CDKN2A: variants seen among roughly 807,000 people sequenced by gnomAD.
CDKN2A encodes the protein cyclin dependent kinase inhibitor 2A.
CDKN2A carries 3 observed loss-of-function variants against 11.1 expected under a neutral mutation model. The ratio of observed to expected loss-of-function variants is 0.27; its 90% confidence interval spans 0.12 to 0.70. The LOEUF (loss-of-function observed/expected upper bound fraction) is 0.70. Ranked by LOEUF, CDKN2A falls within the 30% of genes least tolerant of loss-of-function variation. The probability of loss-of-function intolerance (pLI) is 0.77; values close to 1 mark genes in which losing one functional copy is unlikely to be tolerated. For synonymous variants in CDKN2A, 122 were observed against 108.1 expected (o/e 1.13, Z -0.80); for missense variants, 265 against 233.6 (o/e 1.13, Z -0.88).
intron 2 of CDKN2A, among the ~76,000 whole-genome samples, chr9:21,986,591 C>T (rs1820302528): frequency 6.6e-6 from 1 of 151,686 alleles, no homozygotes; most frequent in Admixed American, 6.6e-5. Context: ...GAGCCTCAGT[C>T]TCCAGATCTA....
At position 21,974,657 on chromosome 9, in the gene CDKN2A, C is replaced by T. The variant is rs369946603; in HGVS notation, c.150+21G>A. 36 of 1,614,064 alleles carry T rather than the reference C, an allele frequency of 2.2e-5. No individual in the cohort carries two copies. Among genetic ancestry groups the T allele is most frequent in the Non-Finnish European group, 2.7e-5 (32 of 1,180,050 alleles). On this transcript the variant is annotated intron_variant, in intron 1 of 2. Coordinates refer to ENST00000304494, the MANE Select transcript of CDKN2A (RefSeq NM_000077.5). The surrounding 1 kb of genome is among the most constrained non-coding windows in gnomAD (Gnocchi z 5.2). Reference sequence around the variant, plus strand: ...AGAGTCGCCCGCCATCCCCTGCTCCCGCTGCAGACCCTCTACCCACCTGGA... The same window carrying T: ...AGAGTCGCCCGCCATCCCCTGCTCCTGCTGCAGACCCTCTACCCACCTGGA...
chr9:21,968,147 CG>C lies in CDKN2A; in HGVS notation c.*81del. On this transcript the variant is annotated 3_prime_UTR_variant, in exon 3 of 3. Transcript: ENST00000304494. The surrounding 1 kb of genome is among the most constrained non-coding windows in gnomAD (Gnocchi z 4.7). ...ACTACGAAAGCGGGGTGGGTTGTGG[CG>C]GGGGCAGTTGTGGCCCTGTAGGACC... is the stretch of plus-strand genomic sequence containing the variant. The C allele has an allele frequency of 8.7e-7, 1 of 1,144,294 alleles. No homozygotes were observed. Among genetic ancestry groups the C allele is most frequent in the Non-Finnish European group, 1.3e-6 (1 of 774,950 alleles). 70.9% of individuals were successfully genotyped at this position (1,144,294 alleles called of 1,614,324 possible).
At position 21,970,892 on chromosome 9, in the gene CDKN2A, C is replaced by G. The variant is rs1230430074; in HGVS notation, c.457+10G>C. On this transcript the variant is annotated intron_variant, in intron 2 of 2. Coordinates refer to ENST00000304494, the MANE Select transcript of CDKN2A (RefSeq NM_000077.5). ...CTCAGGGTACAAATTCTCAGATCAT[C>G]AGTCCTCACCTGAGGGACCTTCCGC... is the stretch of plus-strand genomic sequence containing the variant. 6.2e-7 allele frequency: 1 copy of G among 1,610,744 alleles called. No homozygotes were observed. Among genetic ancestry groups the G allele is most frequent in the East Asian group, 2.2e-5 (1 of 44,886 alleles).
chr9:21,984,275 C>A (rs955091258), intron 2 of CDKN2A, among the ~76,000 whole-genome samples: 6 of 151,870 alleles, frequency 4.0e-5, no homozygotes, highest in African/African-American at 1.4e-4. Context: ...CATGTTATGA[C>A]AGAAGAATTT....
rs776417500 is a variant in CDKN2A, at chr9:21,968,289, G to A, written c.458-47C>T. The A allele has an allele frequency of 6.2e-7, 1 of 1,607,420 alleles. No homozygotes were observed. The highest frequency in any genetic ancestry group is 1.1e-5 in the South Asian group (1 of 90,936). On this transcript the variant is annotated intron_variant, in intron 2 of 2. Coordinates refer to ENST00000304494, the MANE Select transcript of CDKN2A (RefSeq NM_000077.5). This position sits in a 1 kb window ranked among gnomAD's most constrained non-coding sequence, Gnocchi z 4.7. Reference sequence around the variant, plus strand: ...CAGGCGTTAGAAACCTGAGGTCAAAGATGTGTGGCACATCCCGCCCTCCTC... The same window carrying A: ...CAGGCGTTAGAAACCTGAGGTCAAAAATGTGTGGCACATCCCGCCCTCCTC...
At position 21,974,784 on chromosome 9, in the gene CDKN2A, C is replaced by A; in HGVS notation, c.44G>T (p.Trp15Leu). 1 of 1,607,986 alleles carries A rather than the reference C, an allele frequency of 6.2e-7. No individual in the cohort carries two copies. The highest frequency in any genetic ancestry group is 8.5e-7 in the Non-Finnish European group (1 of 1,179,284). Residue 15 changes from tryptophan (W) to leucine (L), a missense_variant, in exon 1 of 3, where the codon TGG (tryptophan) becomes TTG (leucine). Transcript: ENST00000304494. This position sits in a 1 kb window ranked among gnomAD's most constrained non-coding sequence, Gnocchi z 5.2. ...ACCCCGGGCCGCGGCCGTGGCCAGCCAGTCAGCCGAAGGCTCCATGCTGCT... is the reference window on the plus strand; with the variant it reads ...ACCCCGGGCCGCGGCCGTGGCCAGCAAGTCAGCCGAAGGCTCCATGCTGCT... ...AGSSMEPSADWLATAAARGRV... is the reference protein window; with the variant it reads ...AGSSMEPSADLLATAAARGRV...
In CDKN2A at chr9:21,990,676, C is replaced by CT. The variant is rs1161803064; in HGVS notation, c.-4+3205dup. On this transcript the variant is annotated intron_variant, in intron 2 of 3. Transcript: ENST00000494262. ...AAACTGTTTACTGTTTGGAATCTTG[C>CT]TTTAAAAAAACCTGACTTTATAATG... is the stretch of plus-strand genomic sequence containing the variant. 6.7e-5 allele frequency among the ~76,000 whole-genome samples: 7 copies of CT among 103,874 alleles called. 1 individual carries two copies. Among genetic ancestry groups the CT allele is most frequent in the African/African-American group, 2.3e-4 (7 of 30,060 alleles). 68.1% of individuals were successfully genotyped at this position (103,874 alleles called of 152,430 possible). A position where few individuals can be genotyped will look rare whatever the true frequency, so the allele number is the denominator to read the frequency against.
chr9:21,995,176 AC>A lies in CDKN2A; in HGVS notation c.-532del, dbSNP rs1273299590. 6.6e-6 allele frequency: 1 copy of A among 152,128 alleles called. No homozygotes were observed. Among genetic ancestry groups the A allele is most frequent in the Non-Finnish European group, 1.5e-5 (1 of 68,040 alleles). The allele number at this position is 152,128 out of a possible 1,614,324, so 9.4% of individuals were successfully genotyped here. On this transcript the variant is annotated 5_prime_UTR_variant, in exon 1 of 4. Coordinates refer to the CDKN2A transcript ENST00000494262. This position sits in a 1 kb window ranked among gnomAD's most constrained non-coding sequence, Gnocchi z 5.7. ...CGCCGGACTAGGTAGGTGGAGTCGCACCCGGGGGTCCCAGCTGGGTCCGGGC... is the reference window on the plus strand; with the variant it reads ...CGCCGGACTAGGTAGGTGGAGTCGCACCGGGGGTCCCAGCTGGGTCCGGGC...
chr9:21,986,235 TG>T (rs1820294312), intron 2 of CDKN2A, among the ~76,000 whole-genome samples: 1 of 152,102 alleles, frequency 6.6e-6, no homozygotes, highest in Admixed American at 6.5e-5. Flanking sequence ...AAGTGGTTCC[TG>T]TGCTGGTGAA....
At chr9:21,983,208 T>G (rs536421775) in intron 2 of CDKN2A, among the ~76,000 whole-genome samples, 2 of 152,226 alleles carry the variant, frequency 1.3e-5, no homozygotes, top group Admixed American at 1.3e-4. Flanking sequence ...AGTCCCCTCA[T>G]TTTTGAATGA....
Position 21,974,333 on chromosome 9 carries a change from A to C in CDKN2A, c.150+345T>G. 7.6e-7 allele frequency: 1 copy of C among 1,314,846 alleles called. No homozygotes were observed. The highest frequency in any genetic ancestry group is 2.2e-5 in the Admixed American group (1 of 44,730). 81.4% of individuals were successfully genotyped at this position (1,314,846 alleles called of 1,614,324 possible). ...ATTGGAGGCTAAGTAGTCCCAGCAC[A>C]TCTTACATTTCTTTAAGACTCCCTT... On this transcript the variant is annotated intron_variant, in intron 1 of 2. Transcript: ENST00000304494. The surrounding 1 kb of genome is among the most constrained non-coding windows in gnomAD (Gnocchi z 5.2).
At chr9:21,973,880 C>T (rs1028191505) in intron 1 of CDKN2A, among the ~76,000 whole-genome samples, 6 of 151,954 alleles carry the variant, frequency 3.9e-5, no homozygotes, top group African/African-American at 1.2e-4. Context: ...AATAATTTTT[C>T]TCTCTCTCTT....
chr9:21,973,549 AT>A (rs1819878909), intron 1 of CDKN2A, among the ~76,000 whole-genome samples: 1 of 151,732 alleles, frequency 6.6e-6, no homozygotes, highest in Non-Finnish European at 1.5e-5. Flanking sequence ...TGTTGGCAAA[AT>A]TTTAGAGATG....
At chr9:21,977,387 C>A (rs145880579), upstream of CDKN2A, among the ~76,000 whole-genome samples, 1 of 152,030 alleles carries the variant, frequency 6.6e-6, no homozygotes, top group Non-Finnish European at 1.5e-5. Flanking sequence ...GATGGAGTTT[C>A]GCTCTGTTGC....
At chr9:21,990,611 T>TGAGA (rs60431211) in intron 2 of CDKN2A, among the ~76,000 whole-genome samples, 2,623 of 89,694 alleles carry the variant, frequency 0.029, 161 homozygotes, top group East Asian at 0.13. Context: ...ACTAATTTGG[T>TGAGA]GAGAGAGAGA....
rs1386076462 is a variant in CDKN2A, at chr9:21,968,335, T to C, written c.458-93A>G. On this transcript the variant is annotated intron_variant, in intron 2 of 2. Coordinates refer to ENST00000304494, the MANE Select transcript of CDKN2A (RefSeq NM_000077.5). This position sits in a 1 kb window ranked among gnomAD's most constrained non-coding sequence, Gnocchi z 4.7. ...TCCTCTCTTGCCGTCCCTACCGGCA[T>C]TGAAATACTTATGGATAAAGTTCTC... 5 of 1,533,724 alleles carry C rather than the reference T, an allele frequency of 3.3e-6. No individual in the cohort carries two copies. In the African/African-American group the frequency reaches 4.1e-5, roughly 13 times the overall value.
Position 21,968,093 on chromosome 9 carries a change from T to C in CDKN2A, c.*136A>G. ...TATATCTACGTTAAAAGGCAGGACA[T>C]TTTTAAAAGCTCTATTTTCTAAATG... On this transcript the variant is annotated 3_prime_UTR_variant, in exon 3 of 3. Coordinates refer to ENST00000304494, the MANE Select transcript of CDKN2A (RefSeq NM_000077.5). This position sits in a 1 kb window ranked among gnomAD's most constrained non-coding sequence, Gnocchi z 4.7. 1 of 800,018 alleles carries C rather than the reference T, an allele frequency of 1.2e-6. No homozygotes were observed. The highest frequency in any genetic ancestry group is 2.2e-6 in the Non-Finnish European group (1 of 446,138). The allele number at this position is 800,018 out of a possible 1,614,324, so 49.6% of individuals were successfully genotyped here.
intron 2 of CDKN2A, among the ~76,000 whole-genome samples, chr9:21,980,591 GGCTTAAAGT>G: frequency 6.6e-6 from 1 of 152,022 alleles, no homozygotes; most frequent in Admixed American, 6.6e-5. Flanking sequence ...TCAGGCACTC[GGCTTAAAGT>G]TGTCAATATT....
intron 2 of CDKN2A, among the ~76,000 whole-genome samples, chr9:21,992,666 T>C (rs1227799079): frequency 6.6e-6 from 1 of 152,138 alleles, no homozygotes; most frequent in East Asian, 1.9e-4. Flanking sequence ...TGTTCTACTT[T>C]GTTACTACAG....
Sources: allele counts gnomAD v4.1 joint callset (sites outside exome capture counted in the v4.1 genomes callset), GRCh38; gene constraint gnomAD v4.1.1; non-coding constraint Gnocchi (gnomAD v3.1); transcripts MANE v1.5; gene names NCBI Gene and HGNC (gene_info 2026-07-23, HGNC 2026-07-21).